ARHGEF28: variants seen among roughly 807,000 people sequenced by gnomAD.
ARHGEF28 encodes 190 kDa guanine nucleotide exchange factor.
ARHGEF28 carries 152 observed loss-of-function variants against 206.6 expected under a neutral mutation model. The ratio of observed to expected loss-of-function variants is 0.74; its 90% CI spans 0.64 to 0.84. The LOEUF is 0.84. Ranked by LOEUF, ARHGEF28 falls within the 40% of genes least tolerant of loss-of-function variation. The pLI, the probability that ARHGEF28 is intolerant of heterozygous loss-of-function variation, is 0.00. For missense variants in ARHGEF28, 2,028 were observed against 2,073.2 expected, an observed-to-expected ratio of 0.98 and a Z score of 0.42; for synonymous variants, 763 against 776.4, an observed-to-expected ratio of 0.98 and a Z score of 0.29.
chr5:73,772,425 T>C (rs1753270943), intron 4 of ARHGEF28, among the ~76,000 whole-genome samples: 1 of 152,198 alleles, frequency 6.6e-6, no homozygotes, highest in Non-Finnish European at 1.5e-5. Flanking sequence ...GTGGCCCAGG[T>C]TGGCATGCAG....
chr5:73,852,654 A>G lies in ARHGEF28; in HGVS notation c.1752A>G (p.Gln584=), dbSNP rs1339876449. ...TTATTGTTCTGTGTCTTGTAGAGCAAAGAGCTTACAGCTTATCGGAGCCAC... is the reference window on the plus strand; with the variant it reads ...TTATTGTTCTGTGTCTTGTAGAGCAGAGAGCTTACAGCTTATCGGAGCCAC... The part of the protein sequence containing the change: ...ELTVCSSSEE[Q]RAYSLSEPPR... Residue 584 remains glutamine, a synonymous_variant, in exon 14 of 36, where the codon CAA becomes CAG. Coordinates refer to ENST00000513042, the MANE Select transcript of ARHGEF28 (RefSeq NM_001177693.2). The G allele has an allele frequency of 1.9e-6, 3 of 1,613,676 alleles. No homozygotes were observed. The Admixed American group carries it at 5.0e-5, about 27-fold the overall frequency.
chr5:73,688,074 T>C (rs948566321), intron 2 of ARHGEF28, among the ~76,000 whole-genome samples: 5 of 152,196 alleles, frequency 3.3e-5, no homozygotes, highest in Non-Finnish European at 7.4e-5. Flanking sequence ...CCATTGGAAT[T>C]TGTGAAGAAT....
chr5:73,852,658 G>A lies in ARHGEF28; in HGVS notation c.1756G>A (p.Ala586Thr). ...TGTTCTGTGTCTTGTAGAGCAAAGA[G>A]CTTACAGCTTATCGGAGCCACCAAG... The part of the protein sequence containing the change: ...TVCSSSEEQR[A>T]YSLSEPPREN... The change falls in exon 14 of 36, where the codon GCT (alanine) becomes ACT (threonine). Residue 586 changes from alanine to threonine, a missense_variant. Physicochemically the swap from Ala to Thr is moderately conservative, Grantham distance 58 (BLOSUM62 0). This residue lies in a region of ARHGEF28 where 1,002 missense variants were observed against 1,015.3 expected (regional missense o/e 0.99). Transcript: ENST00000513042. 6.2e-6 allele frequency: 10 copies of A among 1,613,578 alleles called. No homozygotes were observed. The highest frequency in any genetic ancestry group is 8.5e-6 in the Non-Finnish European group (10 of 1,179,686).
chr5:73,721,552 T>G (rs1327519190), intron 2 of ARHGEF28, among the ~76,000 whole-genome samples: 1 of 152,166 alleles, frequency 6.6e-6, no homozygotes, highest in Non-Finnish European at 1.5e-5. Flanking sequence ...TAAATGAACC[T>G]GAAATTGGCT....
chr5:73,898,230 G>GGT, intron 30 of ARHGEF28, 137 bp downstream of exon 30: 3 of 1,045,182 alleles, frequency 2.9e-6, no homozygotes, highest in Non-Finnish European at 4.0e-6. Context: ...AAAAAACTGA[G>GGT]AATAAATATG....
chr5:73,733,626 C>A (rs1301982623), intron 2 of ARHGEF28, among the ~76,000 whole-genome samples: 2 of 151,720 alleles, frequency 1.3e-5, no homozygotes, highest in African/African-American at 2.4e-5. Context: ...ACCTGTACCC[C>A]GAAAACTATT....
intron 35 of ARHGEF28, among the ~76,000 whole-genome samples, chr5:73,935,426 G>A (rs1390860045): frequency 6.6e-6 from 1 of 152,122 alleles, no homozygotes; most frequent in Non-Finnish European, 1.5e-5. Context: ...CATCCTATTT[G>A]TGGCTCACTA....
At chr5:73,924,140 T>G (rs1763673806) in intron 35 of ARHGEF28, among the ~76,000 whole-genome samples, 1 of 152,184 alleles carries the variant, frequency 6.6e-6, no homozygotes, top group Non-Finnish European at 1.5e-5. Flanking sequence ...AAACACACTT[T>G]TCCAATGTAA....
chr5:73,830,576 A>T (rs971698565), intron 9 of ARHGEF28, among the ~76,000 whole-genome samples: 52 of 151,860 alleles, frequency 3.4e-4, no homozygotes, highest in South Asian at 1.2e-3. Flanking sequence ...AAAAAAAAAA[A>T]AGAAAATGTT....
intron 16 of ARHGEF28, among the ~76,000 whole-genome samples, chr5:73,864,125 C>G (rs1288762349): frequency 6.6e-6 from 1 of 152,176 alleles, no homozygotes; most frequent in African/African-American, 2.4e-5. Flanking sequence ...CCAAAGACAA[C>G]AGCTTGGCAG....
intron 2 of ARHGEF28, among the ~76,000 whole-genome samples, chr5:73,686,305 C>T (rs1239508941): frequency 6.6e-6 from 1 of 152,050 alleles, no homozygotes; most frequent in Non-Finnish European, 1.5e-5. Context: ...ACTCATTCCA[C>T]CCTCCTCCCC....
chr5:73,709,839 T>G (rs889885021), intron 2 of ARHGEF28, among the ~76,000 whole-genome samples: 2 of 152,224 alleles, frequency 1.3e-5, no homozygotes, highest in African/African-American at 4.8e-5. Context: ...CATAGCCTTT[T>G]GTATATGGCT....
At chr5:73,821,525 T>G (rs1466593941) in intron 9 of ARHGEF28, among the ~76,000 whole-genome samples, 1 of 152,214 alleles carries the variant, frequency 6.6e-6, no homozygotes, top group Non-Finnish European at 1.5e-5. Flanking sequence ...ATAGGGGATC[T>G]GACTTATTCG....
chr5:73,692,927 C>T (rs1366941191), intron 2 of ARHGEF28, among the ~76,000 whole-genome samples: 1 of 152,178 alleles, frequency 6.6e-6, no homozygotes, highest in African/African-American at 2.4e-5. Context: ...CTCCATCCCC[C>T]AGTGGGCTAC....
intron 14 of ARHGEF28, among the ~76,000 whole-genome samples, 195 bp downstream of exon 14, chr5:73,852,887 C>T (rs1486405796): frequency 1.3e-5 from 2 of 152,224 alleles, no homozygotes; most frequent in Non-Finnish European, 2.9e-5. Flanking sequence ...CTTGGCTGTG[C>T]AGGCCTCAGG....
chr5:73,824,389 A>C (rs545806362), intron 9 of ARHGEF28, among the ~76,000 whole-genome samples: 1 of 152,262 alleles, frequency 6.6e-6, no homozygotes, highest in South Asian at 2.1e-4. Flanking sequence ...AGATAATAGA[A>C]AGAGCTCAGA....
intron 9 of ARHGEF28, among the ~76,000 whole-genome samples, chr5:73,796,621 C>A (rs1280571225): frequency 6.6e-6 from 1 of 152,216 alleles, no homozygotes; most frequent in Non-Finnish European, 1.5e-5. Context: ...TTGCTAGTAG[C>A]TTGGCCACAT....
chr5:73,913,676 A>G (rs1009135020), intron 35 of ARHGEF28, among the ~76,000 whole-genome samples: 3 of 152,188 alleles, frequency 2.0e-5, no homozygotes, highest in African/African-American at 7.2e-5. Flanking sequence ...AGGACCAGGC[A>G]GTGTTGTTGT....
chr5:73,674,688 G>A (rs958317963), intron 1 of ARHGEF28, among the ~76,000 whole-genome samples: 14 of 152,208 alleles, frequency 9.2e-5, no homozygotes, highest in Admixed American at 5.2e-4. Context: ...GAAGATTAGA[G>A]GATTGGGATT....
Sources: allele counts gnomAD v4.1 joint callset (sites outside exome capture counted in the v4.1 genomes callset), GRCh38; gene constraint gnomAD v4.1.1; regional missense constraint gnomAD v4.1.1; transcripts MANE v1.5; gene names NCBI Gene and HGNC (gene_info 2026-07-23, HGNC 2026-07-21).